The following PRH1 variants were observed in gnomAD, a reference collection of about 807,000 sequenced individuals.
PRH1 encodes salivary acidic proline-rich phosphoprotein 1/2.
A neutral mutation model predicts 7.9 loss-of-function variants in PRH1; 7 were observed. That is an observed-to-expected ratio of 0.89 (90% confidence interval 0.50 to 1.67). The LOEUF is 1.67. Ranked by LOEUF, PRH1 falls within the 40% of genes most tolerant of loss-of-function variation. PRH1 has a pLI of 0.00. For synonymous variants in PRH1, 45 were observed against 80.8 expected, an observed-to-expected ratio of 0.56 and a Z score of 2.38; for missense variants, 109 against 223.6, an observed-to-expected ratio of 0.49 and a Z score of 3.27.
rs147997671 is a variant in PRH1, at chr12:10,989,979, G to A, written c.-125-16258C>T. 2.8e-3 allele frequency among the ~76,000 whole-genome samples: 429 copies of A among 152,162 alleles called. 2 individuals carry two copies. The highest frequency in any genetic ancestry group is 9.2e-3 in the African/African-American group (383 of 41,502). ...TTAGTTATCTCATCTAAATTTTAAT[G>A]GCTTCTGAAAATATACGGATGTCTC... On this transcript the variant is annotated intron_variant, in intron 1 of 3. Coordinates refer to the PRH1 transcript ENST00000539853.
At position 11,006,986 on chromosome 12, in the gene PRH1, C is replaced by T. The variant is rs1940862267; in HGVS notation, c.-125-33265G>A. 2.0e-5 allele frequency among the ~76,000 whole-genome samples: 3 copies of T among 152,024 alleles called. No homozygotes were observed. In the South Asian group the frequency reaches 6.2e-4, roughly 31 times the overall value. On this transcript the variant is annotated intron_variant, in intron 1 of 3. Transcript: ENST00000539853. The stretch of plus-strand genomic sequence containing the variant: ...AGACATATTCTTTTTCATTGTTTTG[C>T]AATGTTTTTCCTTGTTTAACCTCTC...
intron 1 of PRH1, among the ~76,000 whole-genome samples, chr12:11,019,947 T>C (rs1356057483): frequency 6.6e-6 from 1 of 152,296 alleles, no homozygotes; most frequent in Admixed American, 6.5e-5. Context: ...AAATCTTTAA[T>C]ATGCTTTTCA....
intron 1 of PRH1, among the ~76,000 whole-genome samples, chr12:11,015,086 A>T (rs1301765575): frequency 1.3e-5 from 2 of 152,160 alleles, no homozygotes; most frequent in Non-Finnish European, 2.9e-5. Context: ...GGTAGAAAAC[A>T]ACCTTCTGGG....
chr12:11,076,418 T>TTTATG (rs1555158458), intron 1 of PRH1, among the ~76,000 whole-genome samples: 58,475 of 119,062 alleles, frequency 0.49, 9,703 homozygotes, highest in Non-Finnish European at 0.58. Context: ...CTATACTCTC[T>TTTATG]TTGGGACTTT....
At chr12:11,010,379 T>C (rs1305275334) in intron 1 of PRH1, among the ~76,000 whole-genome samples, 1 of 151,988 alleles carries the variant, frequency 6.6e-6, no homozygotes, top group Non-Finnish European at 1.5e-5. Context: ...TCCTAAGTGC[T>C]GGAATTCAGG....
chr12:10,908,888 G>T (rs1949849972), intron 2 of PRH1: 1 of 1,612,612 alleles, frequency 6.2e-7, no homozygotes, highest in East Asian at 2.2e-5. Flanking sequence ...AGAAGACCAA[G>T]GTTCCTAGCA....
At chr12:10,938,136 G>T in intron 2 of PRH1, 1 of 675,614 alleles carries the variant, frequency 1.5e-6, no homozygotes. Context: ...GGATGGTGTT[G>T]ATTCCAAGCA....
intron 1 of PRH1, among the ~76,000 whole-genome samples, chr12:10,993,784 A>C (rs1216426679): frequency 6.6e-6 from 1 of 150,640 alleles, no homozygotes; most frequent in Non-Finnish European, 1.5e-5. Context: ...GCTCATTGTG[A>C]CAGATAATCC....
exon 1 of PRH1, chr12:11,047,055 T>C: frequency 2.0e-6 from 1 of 507,560 alleles, no homozygotes. Context: ...CCCCTCCACA[T>C]CCAAACTAGC....
rs182712201 is a variant in PRH1, at chr12:10,942,962, T to C, written c.-59+30693A>G. 1.2e-4 allele frequency among the ~76,000 whole-genome samples: 18 copies of C among 152,296 alleles called. No individual in the cohort carries two copies. The East Asian group carries it at 3.3e-3, about 28-fold the overall frequency. ...AAGGTTGTAATCTTTTCCCATAAAA[T>C]AGACCTTCAGTTTTCCCAGGGGAGG... On this transcript the variant is annotated intron_variant, in intron 2 of 3. Transcript: ENST00000539853.
At chr12:11,124,857 T>C (rs934291466) in intron 1 of PRH1, among the ~76,000 whole-genome samples, 1 of 152,190 alleles carries the variant, frequency 6.6e-6, no homozygotes, top group Non-Finnish European at 1.5e-5. Flanking sequence ...GATTTTTTTT[T>C]TTGACATGGA....
chr12:10,944,820 G>A (rs1214635511), intron 2 of PRH1, among the ~76,000 whole-genome samples: 1 of 152,154 alleles, frequency 6.6e-6, no homozygotes, highest in Non-Finnish European at 1.5e-5. Context: ...AGACAGTCAT[G>A]TGGTTTTTGT....
At chr12:10,950,213 C>CT (rs1950548079) in intron 2 of PRH1, among the ~76,000 whole-genome samples, 1 of 152,034 alleles carries the variant, frequency 6.6e-6, no homozygotes, top group Non-Finnish European at 1.5e-5. Flanking sequence ...GTGATACACA[C>CT]TTTTTTCATA....
chr12:10,882,271 G>A lies in PRH1; in HGVS notation c.528C>T (p.Arg176=), dbSNP rs778607395. The change falls in exon 3 of 4, where the codon CGC becomes CGT. Residue 176 remains arginine, a synonymous_variant. Transcript: ENST00000543626. The part of the protein sequence containing the change: ...KPQGPPPQGG[R]PQGPPQGQSP... ...ACTGCCCCTGTGGAGGTCCTTGTGG[G>A]CGGCCCCCTTGGGGAGGTGGTCCCT... 6.2e-7 allele frequency: 1 copy of A among 1,613,154 alleles called. No homozygotes were observed. The highest frequency in any genetic ancestry group is 1.7e-5 in the Admixed American group (1 of 59,946).
At chr12:10,938,914 C>T (rs1159003052) in intron 2 of PRH1, 1 of 1,613,970 alleles carries the variant, frequency 6.2e-7, no homozygotes, top group Non-Finnish European at 8.5e-7. Context: ...CTGTAGCTAA[C>T]CAGACACTAA....
intron 1 of PRH1, among the ~76,000 whole-genome samples, chr12:11,150,937 C>A (rs947166109): frequency 6.6e-6 from 1 of 152,088 alleles, no homozygotes; most frequent in African/African-American, 2.4e-5. Context: ...TTGTTTTTTG[C>A]CAACTGTGTT....
chr12:10,941,263 C>G (rs1950395645), intron 2 of PRH1, among the ~76,000 whole-genome samples: 1 of 152,194 alleles, frequency 6.6e-6, no homozygotes. Flanking sequence ...GCACTTGCAT[C>G]ATTCATGCTG....
rs1194597237 is a variant in PRH1 at position 11,034,766 on chromosome 12, T to G, written c.-126+12254A>C. 7.9e-5 allele frequency: 12 copies of G among 152,394 alleles called. No individual in the cohort carries two copies. In the East Asian group the frequency reaches 2.1e-3, roughly 27 times the overall value. 9.4% of individuals were successfully genotyped at this position (152,394 alleles called of 1,614,324 possible). A position where few individuals can be genotyped will look rare whatever the true frequency, so the allele number is the denominator to read the frequency against. On this transcript the variant is annotated intron_variant, in intron 1 of 3. Coordinates refer to the PRH1 transcript ENST00000539853. Reference sequence around the variant, plus strand: ...AATGAATGAAAAAGTTAGTCAGGCATAGTGAAGCTACTCACAAGGCTGAGG... The same window carrying G: ...AATGAATGAAAAAGTTAGTCAGGCAGAGTGAAGCTACTCACAAGGCTGAGG...
chr12:11,091,579 T>C lies in PRH1; in HGVS notation n.124-44391A>G. On this transcript the variant is annotated intron_variant and non_coding_transcript_variant, in intron 1 of 4. Transcript: ENST00000541977. ...TTATGTGGACCTTGGTGCTGGGATC[T>C]TGAGATCCTTTACCATGGAGCTGCA... 2.2e-6 allele frequency: 3 copies of C among 1,345,410 alleles called. 1 individual carries two copies. The highest frequency in any genetic ancestry group is 2.9e-5 in the African/African-American group (2 of 67,866). 83.3% of individuals were successfully genotyped at this position (1,345,410 alleles called of 1,614,324 possible).
Sources: allele counts gnomAD v4.1 joint callset (sites outside exome capture counted in the v4.1 genomes callset), GRCh38; gene constraint gnomAD v4.1.1; transcripts MANE v1.5; gene names NCBI Gene and HGNC (gene_info 2026-07-23, HGNC 2026-07-21).